The following PARN variants were observed in gnomAD, a reference collection of about 807,000 sequenced individuals.
PARN encodes the protein poly(A)-specific ribonuclease.
PARN carries 71 observed loss-of-function variants against 102.8 expected under a neutral mutation model. The observed-to-expected ratio is 0.69, with a 90% CI of 0.57 to 0.84. The LOEUF is 0.84. PARN is among the 40% of genes least tolerant of loss of function. The pLI, the probability that PARN is intolerant of heterozygous loss-of-function variation, is 0.00. For synonymous variants in PARN, 261 were observed against 252.9 expected, an observed-to-expected ratio of 1.03 and a Z score of -0.30; for missense variants, 782 against 760.9, an observed-to-expected ratio of 1.03 and a Z score of -0.33.
intron 18 of PARN, among the ~76,000 whole-genome samples, chr16:14,558,874 C>T (rs906434026): frequency 7.9e-5 from 12 of 152,044 alleles, no homozygotes; most frequent in Non-Finnish European, 1.6e-4. Context: ...ATTCCTTTTA[C>T]GATCATTTTT....
intron 21 of PARN, among the ~76,000 whole-genome samples, chr16:14,528,715 A>G (rs1351794398): frequency 6.6e-6 from 1 of 152,180 alleles, no homozygotes; most frequent in Non-Finnish European, 1.5e-5. Context: ...CCAGCCTGGT[A>G]AAATGAATTT....
In PARN at chr16:14,604,246, T is replaced by A; in HGVS notation, c.703-20A>T. On this transcript the variant is annotated intron_variant, in intron 10 of 23. Transcript: ENST00000437198. ...CTCCTTCTAAAAGACATAAAGCAGA[T>A]ATACAATTTTCTTTTCTTTTTCTTT... 6.9e-7 allele frequency: 1 copy of A among 1,452,108 alleles called. No homozygotes were observed. Among genetic ancestry groups the A allele is most frequent in the Non-Finnish European group, 9.4e-7 (1 of 1,059,672 alleles). The allele number at this position is 1,452,108 out of a possible 1,614,324, so 90.0% of individuals were successfully genotyped here. A position where few individuals can be genotyped will look rare whatever the true frequency, so the allele number is the denominator to read the frequency against.
intron 21 of PARN, among the ~76,000 whole-genome samples, chr16:14,502,299 C>T (rs1238840795): frequency 1.3e-5 from 2 of 152,224 alleles, no homozygotes; most frequent in Non-Finnish European, 2.9e-5. Flanking sequence ...GAACATGCGT[C>T]TCTCAGTGAA....
chr16:14,493,214 T>C (rs1019096221), intron 21 of PARN, among the ~76,000 whole-genome samples: 5 of 152,164 alleles, frequency 3.3e-5, no homozygotes, highest in Non-Finnish European at 7.3e-5. Context: ...TTCATTCATT[T>C]ATTATTTATT....
chr16:14,608,689 G>A (rs915952707), intron 8 of PARN, among the ~76,000 whole-genome samples: 3 of 152,200 alleles, frequency 2.0e-5, no homozygotes, highest in Non-Finnish European at 4.4e-5. Flanking sequence ...AAATGCTAAT[G>A]TTCTCTGAAT....
In PARN at chr16:14,584,330, C is replaced by T. The variant is rs772169396; in HGVS notation, c.1081+17G>A. 23 of 1,563,284 alleles carry T rather than the reference C, an allele frequency of 1.5e-5. No individual in the cohort carries two copies. Among genetic ancestry groups the T allele is most frequent in the African/African-American group, 4.1e-5 (3 of 73,960 alleles). The stretch of plus-strand genomic sequence containing the variant: ...TATTACAAAGAGTTTGGAGGGTTTC[C>T]GGTTTAATATTCTTACCAACTTTAG... On this transcript the variant is annotated intron_variant, in intron 16 of 23. Coordinates refer to ENST00000437198, the MANE Select transcript of PARN (RefSeq NM_002582.4).
intron 3 of PARN, 36 bp downstream of exon 3, chr16:14,628,136 T>A: frequency 8.5e-7 from 1 of 1,182,978 alleles, no homozygotes; most frequent in Non-Finnish European, 1.3e-6. Context: ...AAGACTAACA[T>A]GAGAAAGAAA....
rs542792733 is a variant in PARN, at chr16:14,541,525, G to T, written c.1480+10496C>A. Among the ~76,000 whole-genome samples, 5 of 152,242 alleles carry T rather than the reference G, an allele frequency of 3.3e-5. No homozygotes were observed. In the South Asian group the frequency reaches 1.0e-3, roughly 32 times the overall value. ...GAGTCTCGCTCTGTCACCCAGGCTGGAGTGCAGTGGTGTGATCTCGGCTCA... is the reference window on the plus strand; with the variant it reads ...GAGTCTCGCTCTGTCACCCAGGCTGTAGTGCAGTGGTGTGATCTCGGCTCA... On this transcript the variant is annotated intron_variant, in intron 21 of 23. Coordinates refer to ENST00000437198, the MANE Select transcript of PARN (RefSeq NM_002582.4).
At chr16:14,618,424 C>G (rs1271629322) in intron 5 of PARN, among the ~76,000 whole-genome samples, 2 of 150,578 alleles carry the variant, frequency 1.3e-5, no homozygotes, top group Admixed American at 1.3e-4. Flanking sequence ...AGAGGTGGAG[C>G]TTGCAGTGAG....
chr16:14,551,405 C>A (rs925216120), intron 21 of PARN, among the ~76,000 whole-genome samples: 1 of 151,846 alleles, frequency 6.6e-6, no homozygotes, highest in African/African-American at 2.4e-5. Flanking sequence ...CCCATCTCTA[C>A]TAAAAATACA....
intron 18 of PARN, among the ~76,000 whole-genome samples, chr16:14,569,417 G>C (rs1968649673): frequency 6.6e-6 from 1 of 152,090 alleles, no homozygotes; most frequent in Non-Finnish European, 1.5e-5. Context: ...ATCTACAGTT[G>C]AAAGACTAGA....
chr16:14,600,028 A>AC, intron 11 of PARN, 68 bp from the exon 12 acceptor site: 1 of 884,076 alleles, frequency 1.1e-6, no homozygotes, highest in South Asian at 1.9e-5. Context: ...TTAAAAAACT[A>AC]CCCCAAAAAA....
rs922309888 is a variant in PARN, at chr16:14,591,344, T to C, written c.918+1957A>G. 2.7e-5 allele frequency among the ~76,000 whole-genome samples: 4 copies of C among 150,670 alleles called. No individual in the cohort carries two copies. The East Asian group carries it at 5.8e-4, about 22-fold the overall frequency. ...AGGCGGAGGTTGCAGTGAGCCGAGATTGCACCACTGCACTCCAGCCTGGCA... is the reference window on the plus strand; with the variant it reads ...AGGCGGAGGTTGCAGTGAGCCGAGACTGCACCACTGCACTCCAGCCTGGCA... On this transcript the variant is annotated intron_variant, in intron 13 of 23. Coordinates refer to ENST00000437198, the MANE Select transcript of PARN (RefSeq NM_002582.4).
At chr16:14,616,779 G>C (rs1971929072) in intron 6 of PARN, among the ~76,000 whole-genome samples, 1 of 151,908 alleles carries the variant, frequency 6.6e-6, no homozygotes, top group Non-Finnish European at 1.5e-5. Context: ...CCAGCAGAGG[G>C]GTTATAAAAA....
intron 21 of PARN, among the ~76,000 whole-genome samples, chr16:14,510,685 G>C (rs1330905970): frequency 6.6e-6 from 1 of 151,862 alleles, no homozygotes; most frequent in African/African-American, 2.4e-5. Context: ...TGCCAGAGAA[G>C]TGTGTTTTGA....
chr16:14,617,749 T>C, intron 5 of PARN, 99 bp from the exon 6 acceptor site: 1 of 764,050 alleles, frequency 1.3e-6, no homozygotes, highest in South Asian at 1.5e-5. Flanking sequence ...AAAGACAATA[T>C]GGGAAGGAAG....
intron 5 of PARN, among the ~76,000 whole-genome samples, chr16:14,625,300 C>A (rs147244248): frequency 1.8e-4 from 27 of 152,148 alleles, no homozygotes; most frequent in African/African-American, 5.8e-4. Context: ...GAGTTCGAGA[C>A]CAGCCTGATC....
chr16:14,527,386 G>A (rs945952257), intron 21 of PARN, among the ~76,000 whole-genome samples: 8 of 152,150 alleles, frequency 5.3e-5, no homozygotes, highest in Non-Finnish European at 8.8e-5. Context: ...TCATTGGAAC[G>A]CTCATTCTAT....
rs536733510 is a variant in PARN, at chr16:14,589,272, G to C, written c.919-2911C>G. Among the ~76,000 whole-genome samples the C allele has an allele frequency of 9.2e-5, 14 of 152,074 alleles. 1 individual carries two copies. In the South Asian group the frequency reaches 2.9e-3, roughly 32 times the overall value. ...TGATCTACTTGGCCAGTAAGAAGTG[G>C]GTGATCTGGCCAGGTGTGGTGGCTC... On this transcript the variant is annotated intron_variant, in intron 13 of 23. Coordinates refer to ENST00000437198, the MANE Select transcript of PARN (RefSeq NM_002582.4).
Sources: allele counts gnomAD v4.1 joint callset (sites outside exome capture counted in the v4.1 genomes callset), GRCh38; gene constraint gnomAD v4.1.1; transcripts MANE v1.5; gene names NCBI Gene and HGNC (gene_info 2026-07-23, HGNC 2026-07-21).